The following FBN1 variants were observed in gnomAD, a reference collection of about 807,000 sequenced individuals.
FBN1 encodes the protein fibrillin-1.
A neutral mutation model predicts 365.1 loss-of-function variants in FBN1; 29 were observed. That is an observed-to-expected ratio of 0.08 (90% CI 0.06 to 0.11). FBN1 has a LOEUF of 0.11. FBN1 is among the 10% of genes least tolerant of loss of function. The pLI is 1.00. For synonymous variants in FBN1, 1,210 were observed against 1,270.5 expected (o/e 0.95, Z 1.01); for missense variants, 2,476 against 3,703.2 (o/e 0.67, Z 8.60).
chr15:48,508,503 A>G, intron 15 of FBN1, 79 bp downstream of exon 15: 1 of 1,592,414 alleles, frequency 6.3e-7, no homozygotes, highest in East Asian at 2.2e-5. Flanking sequence ...GAATCAGTAA[A>G]GAAAGGTAGT....
intron 2 of FBN1, among the ~76,000 whole-genome samples, chr15:48,629,189 T>C (rs1889939527): frequency 6.6e-6 from 1 of 152,216 alleles, no homozygotes; most frequent in Non-Finnish European, 1.5e-5. Flanking sequence ...AGAAATAAAA[T>C]ATCAGCTGAA....
chr15:48,497,083 CTGTGAA>C (rs1442027125), intron 19 of FBN1, among the ~76,000 whole-genome samples, 177 bp downstream of exon 19: 1 of 152,156 alleles, frequency 6.6e-6, no homozygotes, highest in African/African-American at 2.4e-5. Context: ...TATTCATAAA[CTGTGAA>C]GATTCAGTGA....
intron 49 of FBN1, among the ~76,000 whole-genome samples, chr15:48,443,233 C>T (rs1566897784): frequency 6.6e-6 from 1 of 152,130 alleles, no homozygotes; most frequent in Non-Finnish European, 1.5e-5. Context: ...TCTGACACTC[C>T]TTCCACCCCT....
At chr15:48,438,535 T>G (rs184053506) in intron 50 of FBN1, among the ~76,000 whole-genome samples, 3 of 151,866 alleles carry the variant, frequency 2.0e-5, no homozygotes, top group Admixed American at 2.0e-4. Flanking sequence ...AAAATGCAAG[T>G]GGGGCTTTTT....
chr15:48,439,284 C>G (rs1240701263), intron 50 of FBN1, among the ~76,000 whole-genome samples: 3 of 152,214 alleles, frequency 2.0e-5, no homozygotes, highest in African/African-American at 4.8e-5. Flanking sequence ...AATCATCTCT[C>G]TAATTTCTAT....
chr15:48,412,674 G>T lies in FBN1; in HGVS notation c.8121C>A (p.Asp2707Glu), dbSNP rs1566889147. The part of the protein sequence containing the change: ...PEPPVSGEMD[D>E]NSLSPEACYE... ...AACAAGCCTCTGGGGAGAGTGAATT[G>T]TCATCCATTTCACCACTGACAGGTG... The change falls in exon 65 of 66, where the codon GAC (aspartate) becomes GAA (glutamate). Residue 2707 changes from aspartate (D) to glutamate (E), a missense_variant. Physicochemically the swap from Asp to Glu is conservative, Grantham distance 45. This residue lies in a region of FBN1 where 177 missense variants were observed against 192.7 expected (regional missense o/e 0.92). Coordinates refer to ENST00000316623, the MANE Select transcript of FBN1 (RefSeq NM_000138.5). 6.2e-7 allele frequency: 1 copy of T among 1,614,246 alleles called. No individual in the cohort carries two copies. The highest frequency in any genetic ancestry group is 8.5e-7 in the Non-Finnish European group (1 of 1,180,020).
chr15:48,613,616 A>C (rs2044673701), intron 2 of FBN1, among the ~76,000 whole-genome samples: 1 of 152,184 alleles, frequency 6.6e-6, no homozygotes, highest in Non-Finnish European at 1.5e-5. Context: ...CAAAACATGT[A>C]AATATTTCTT....
intron 4 of FBN1, among the ~76,000 whole-genome samples, chr15:48,606,175 T>A (rs1282152261): frequency 5.9e-5 from 9 of 152,178 alleles, no homozygotes. Flanking sequence ...TGACAGTTCT[T>A]AAAATGCTAA....
At chr15:48,580,102 A>AT (rs1390047983) in intron 6 of FBN1, among the ~76,000 whole-genome samples, 6 of 151,708 alleles carry the variant, frequency 4.0e-5, no homozygotes, top group Non-Finnish European at 8.8e-5. Context: ...TCTTAGTTTC[A>AT]TTTTCTTTTC....
chr15:48,564,042 C>T (rs1209682954), intron 6 of FBN1, among the ~76,000 whole-genome samples: 1 of 152,164 alleles, frequency 6.6e-6, no homozygotes, highest in South Asian at 2.1e-4. Context: ...CTTTCTCTTT[C>T]CAAGCATCTG....
rs151173388 is a variant in FBN1 at position 48,597,537 on chromosome 15, A to C, written c.443-1159T>G. On this transcript the variant is annotated intron_variant, in intron 5 of 65. Coordinates refer to ENST00000316623, the MANE Select transcript of FBN1 (RefSeq NM_000138.5). ...CCTCCTTGCACAGGATCAGACAGGC[A>C]TCATGGTCTGAAGACCATTCCCTCC... Among the ~76,000 whole-genome samples the C allele has an allele frequency of 6.8e-3, 1,043 of 152,298 alleles. 14 individuals carry two copies. Among genetic ancestry groups the C allele is most frequent in the Non-Finnish European group, 7.1e-3 (482 of 68,016 alleles).
intron 39 of FBN1, 37 bp downstream of exon 39, chr15:48,465,753 A>G (rs1182221638): frequency 2.8e-5 from 45 of 1,612,680 alleles, no homozygotes; most frequent in African/African-American, 4.0e-5. Context: ...AGGAAATTCA[A>G]GTTGTGTGTG....
At position 48,558,079 on chromosome 15, in the gene FBN1, G is replaced by C. The variant is rs76686649; in HGVS notation, c.539-20271C>G. ...TCAGCACTCCAAGTCCTCTCAGCCA[G>C]GCCAAGTTACCATCCAACTCCATTT... is the stretch of plus-strand genomic sequence containing the variant. On this transcript the variant is annotated intron_variant, in intron 6 of 65. Coordinates refer to ENST00000316623, the MANE Select transcript of FBN1 (RefSeq NM_000138.5). 1.2e-3 allele frequency among the ~76,000 whole-genome samples: 180 copies of C among 152,258 alleles called. 1 individual carries two copies. The highest frequency in any genetic ancestry group is 1.7e-3 in the East Asian group (9 of 5,186).
At chr15:48,446,638 T>A in intron 47 of FBN1, 68 bp downstream of exon 47, 1 of 906,844 alleles carries the variant, frequency 1.1e-6, no homozygotes, top group South Asian at 1.3e-5. Flanking sequence ...ACACTAGAGA[T>A]GATGCTAATT....
At chr15:48,533,162 G>T (rs577513990) in intron 8 of FBN1, among the ~76,000 whole-genome samples, 1 of 152,148 alleles carries the variant, frequency 6.6e-6, no homozygotes, top group Non-Finnish European at 1.5e-5. Flanking sequence ...AGAGTCTAGG[G>T]GCATAAATAT....
chr15:48,421,470 T>G, intron 62 of FBN1, 88 bp downstream of exon 62: 2 of 1,509,058 alleles, frequency 1.3e-6, no homozygotes, highest in Non-Finnish European at 1.8e-6. Context: ...TGCTATCTCA[T>G]AGAGGCTGAT....
At position 48,468,742 on chromosome 15, in the gene FBN1, C is replaced by T. The variant is rs1415443128; in HGVS notation, c.4460-208G>A. Among the ~76,000 whole-genome samples the T allele has an allele frequency of 4.6e-5, 7 of 152,202 alleles. 1 individual carries two copies. The Middle Eastern group carries it at 0.014, about 296-fold the overall frequency. Reference sequence around the variant, plus strand: ...AGTCTTTGGTGGTCTTTCCCCAGAACACATTTACCATTCAAATTTGTCATC... The same window carrying T: ...AGTCTTTGGTGGTCTTTCCCCAGAATACATTTACCATTCAAATTTGTCATC... On this transcript the variant is annotated intron_variant, in intron 36 of 65. Coordinates refer to ENST00000316623, the MANE Select transcript of FBN1 (RefSeq NM_000138.5).
At chr15:48,641,085 T>G (rs1162513577) in intron 2 of FBN1, 2 of 152,114 alleles carry the variant, frequency 1.3e-5, no homozygotes, top group Non-Finnish European at 2.9e-5. Flanking sequence ...TTTCACGTGG[T>G]TTTGAAACTT....
chr15:48,480,038 C>A (rs2043454876), intron 32 of FBN1, among the ~76,000 whole-genome samples: 1 of 152,122 alleles, frequency 6.6e-6, no homozygotes. Flanking sequence ...ATGTCATTTA[C>A]CTAAAACTAC....
Sources: gnomAD v4.1 joint callset for allele counts (sites outside exome capture counted in the v4.1 genomes callset) on GRCh38, gnomAD v4.1.1 for gene constraint, gnomAD v4.1.1 regional missense constraint, MANE v1.5 for transcripts, NCBI Gene and HGNC (gene_info 2026-07-23, HGNC 2026-07-21) for gene names.